Variants in CCDC170 observed in about 807,000 individuals in gnomAD.
CCDC170 encodes coiled-coil domain containing 170, also known as coiled-coil domain-containing protein 170.
Under a neutral mutation model 72.6 loss-of-function variants are expected in CCDC170, and 69 were observed. That is an observed-to-expected ratio of 0.95 (90% confidence interval 0.78 to 1.16). CCDC170 has a LOEUF of 1.16. CCDC170 is among the 50% of genes most tolerant of loss of function. The pLI, the probability that CCDC170 is intolerant of heterozygous loss-of-function variation, is 0.00. For synonymous variants in CCDC170, 300 were observed against 303.9 expected (o/e 0.99, Z 0.13); for missense variants, 852 against 832.5 (o/e 1.02, Z -0.29).
At chr6:151,583,928 A>G (rs1019647178) in intron 6 of CCDC170, among the ~76,000 whole-genome samples, 20 of 152,366 alleles carry the variant, frequency 1.3e-4, no homozygotes, top group Non-Finnish European at 2.4e-4. Context: ...TCACTGACTT[A>G]TTATGGGAGT....
intron 3 of CCDC170, among the ~76,000 whole-genome samples, chr6:151,544,180 A>G (rs996045253): frequency 6.6e-6 from 1 of 152,172 alleles, no homozygotes; most frequent in African/African-American, 2.4e-5. Context: ...TCTAGAACCA[A>G]TGTGGTAGCA....
At chr6:151,537,339 T>C (rs1051115177) in intron 2 of CCDC170, among the ~76,000 whole-genome samples, 2 of 152,210 alleles carry the variant, frequency 1.3e-5, no homozygotes, top group African/African-American at 2.4e-5. Context: ...GTTGATAATG[T>C]GTGTGTGAAT....
At chr6:151,538,444 A>G in intron 3 of CCDC170, 143 bp downstream of exon 3, 2 of 824,104 alleles carry the variant, frequency 2.4e-6, no homozygotes, top group Non-Finnish European at 3.7e-6. Flanking sequence ...GACCTCAAAT[A>G]TCTTTGGAGT....
At position 151,615,639 on chromosome 6, in the gene CCDC170, T is replaced by TA. The variant is rs751612825; in HGVS notation, c.1914dup (p.Ser639IlefsTer34). 29 of 1,613,746 alleles carry TA rather than the reference T, an allele frequency of 1.8e-5. No homozygotes were observed. The highest frequency in any genetic ancestry group is 1.6e-4 in the South Asian group (15 of 91,044). ...GTGGTAACCAGTGAAATGAAGACAC[T>TA]AAAAAAATCTCTGGAAGAAGCAGAA... On this transcript the variant is annotated frameshift_variant, in exon 10 of 11. Transcript: ENST00000239374. LOFTEE classifies it high-confidence loss of function.
intron 5 of CCDC170, among the ~76,000 whole-genome samples, chr6:151,556,116 C>CA (rs1782969885): frequency 6.6e-6 from 1 of 152,106 alleles, no homozygotes; most frequent in Non-Finnish European, 1.5e-5. Context: ...AAGACTCCTA[C>CA]AAAATGACTT....
intron 3 of CCDC170, among the ~76,000 whole-genome samples, chr6:151,541,185 C>T (rs986565457): frequency 4.6e-5 from 7 of 152,182 alleles, no homozygotes; most frequent in African/African-American, 1.7e-4. Context: ...TTTAAGTCTT[C>T]ATTCAGATGG....
At chr6:151,556,156 C>T (rs1266024829) in intron 5 of CCDC170, among the ~76,000 whole-genome samples, 6 of 152,020 alleles carry the variant, frequency 3.9e-5, no homozygotes, top group Non-Finnish European at 8.8e-5. Flanking sequence ...TTGAAAATTA[C>T]CATTAAGACT....
chr6:151,569,047 T>C (rs926769773), intron 5 of CCDC170, among the ~76,000 whole-genome samples: 5 of 152,214 alleles, frequency 3.3e-5, no homozygotes, highest in African/African-American at 1.2e-4. Context: ...CCACCAGCAA[T>C]GTATGAGACT....
intron 1 of CCDC170, among the ~76,000 whole-genome samples, chr6:151,515,680 T>C (rs1270991955): frequency 1.3e-5 from 2 of 152,172 alleles, no homozygotes; most frequent in Non-Finnish European, 2.9e-5. Context: ...TAAAAGGTGG[T>C]AGACTCTCCT....
At chr6:151,560,675 C>G (rs1298318850) in intron 5 of CCDC170, among the ~76,000 whole-genome samples, 2 of 152,056 alleles carry the variant, frequency 1.3e-5, no homozygotes, top group Admixed American at 1.3e-4. Flanking sequence ...AGGAGGATAG[C>G]TAAATCTTGT....
rs9479062 is a variant in CCDC170, at chr6:151,537,956, C to T, written c.187-89C>T. On this transcript the variant is annotated intron_variant, in intron 2 of 10. Transcript: ENST00000239374. ...ATTAAGTCATGAATAAAAGAGTGAA[C>T]ATTTAAATGATGGCTTTGGGTTTCT... The T allele has an allele frequency of 0.024, 30,391 of 1,272,384 alleles. 4,136 individuals are homozygous for T. The African/African-American group carries it at 0.34, about 14-fold the overall frequency. The allele number at this position is 1,272,384 out of a possible 1,614,324, so 78.8% of individuals were successfully genotyped here. A position where few individuals can be genotyped will look rare whatever the true frequency, so the allele number is the denominator to read the frequency against.
intron 5 of CCDC170, among the ~76,000 whole-genome samples, chr6:151,554,791 G>A (rs954771221): frequency 2.0e-4 from 31 of 151,908 alleles, no homozygotes; most frequent in African/African-American, 6.8e-4. Flanking sequence ...TCTTTAATTA[G>A]GCTGCTTGGG....
At chr6:151,499,228 C>A (rs113116161) in intron 1 of CCDC170, among the ~76,000 whole-genome samples, 1,136 of 91,020 alleles carry the variant, frequency 0.012, 6 homozygotes, top group Middle Eastern at 0.03. Flanking sequence ...GTATTTGACT[C>A]TTCTAGGCAT....
intron 1 of CCDC170, among the ~76,000 whole-genome samples, chr6:151,504,881 A>G (rs1782044115): frequency 6.6e-6 from 1 of 151,800 alleles, no homozygotes; most frequent in South Asian, 2.1e-4. Flanking sequence ...GACAGAACCC[A>G]GCAAATATCA....
intron 9 of CCDC170, among the ~76,000 whole-genome samples, chr6:151,598,165 C>G (rs2115122031): frequency 6.6e-6 from 1 of 152,196 alleles, no homozygotes; most frequent in South Asian, 2.1e-4. Context: ...TGAGGTGGTG[C>G]CATGGGTGGG....
chr6:151,520,036 G>A (rs1298509259), intron 1 of CCDC170, among the ~76,000 whole-genome samples: 1 of 152,158 alleles, frequency 6.6e-6, no homozygotes, highest in Non-Finnish European at 1.5e-5. Context: ...TAACCTCTGG[G>A]AGATGCAGGT....
At position 151,538,112 on chromosome 6, in the gene CCDC170, A is replaced by G. The variant is rs1782622445; in HGVS notation, c.254A>G (p.Glu85Gly). 6.2e-7 allele frequency: 1 copy of G among 1,613,808 alleles called. No individual in the cohort carries two copies. Among genetic ancestry groups the G allele is most frequent in the South Asian group, 1.1e-5 (1 of 91,080 alleles). Reference sequence around the variant, plus strand: ...TGTCAAGAACTGAAAGCTGAAATGGAGAGCTACAAGGAAAACAATGCCAGA... The same window carrying G: ...TGTCAAGAACTGAAAGCTGAAATGGGGAGCTACAAGGAAAACAATGCCAGA... The part of the protein sequence containing the change: ...VSCQELKAEM[E>G]SYKENNARKS... Residue 85 changes from glutamate (E) to glycine (G), a missense_variant, in exon 3 of 11, where the codon GAG becomes GGG. Coordinates refer to ENST00000239374, the MANE Select transcript of CCDC170 (RefSeq NM_025059.4).
intron 1 of CCDC170, among the ~76,000 whole-genome samples, chr6:151,530,473 G>A (rs545719243): frequency 4.0e-5 from 6 of 150,700 alleles, no homozygotes; most frequent in South Asian, 4.2e-4. Flanking sequence ...ACAGAGTCTC[G>A]CTCTGTCAGC....
At chr6:151,561,140 A>T (rs1354377394) in intron 5 of CCDC170, among the ~76,000 whole-genome samples, 1 of 152,128 alleles carries the variant, frequency 6.6e-6, no homozygotes, top group Admixed American at 6.6e-5. Flanking sequence ...TGATACAGCC[A>T]TGCAATGTGT....
Sources: gnomAD v4.1 joint callset for allele counts (sites outside exome capture counted in the v4.1 genomes callset) on GRCh38, gnomAD v4.1.1 for gene constraint, MANE v1.5 for transcripts, NCBI Gene and HGNC (gene_info 2026-07-23, HGNC 2026-07-21) for gene names.